BPTF: variants seen among roughly 807,000 people sequenced by gnomAD.
The protein encoded by BPTF is nucleosome-remodeling factor subunit BPTF.
Under a neutral mutation model 292.5 loss-of-function variants are expected in BPTF, and 18 were observed. That is an observed-to-expected ratio of 0.06 (90% CI 0.04 to 0.09). BPTF has a LOEUF of 0.09. Among genes scored for constraint, BPTF ranks in the 10% least tolerant of loss-of-function variants. BPTF has a pLI of 1.00. For missense variants in BPTF, 2,726 were observed against 3,498.7 expected (o/e 0.78, Z 5.57); for synonymous variants, 1,225 against 1,251.9 (o/e 0.98, Z 0.45).
In BPTF at chr17:67,924,737, C is replaced by T. The variant is rs886520127; in HGVS notation, c.5751+148C>T. ...ATTTTTTAGCCAAATTCATGCACAC[C>T]CATGCACAGTAATGATACATTCTTG... On this transcript the variant is annotated intron_variant, in intron 15 of 27. Transcript: ENST00000306378. The T allele has an allele frequency of 1.0e-5, 8 of 801,878 alleles. No homozygotes were observed. The African/African-American group carries it at 1.4e-4, about 14-fold the overall frequency. 49.7% of individuals were successfully genotyped at this position (801,878 alleles called of 1,614,324 possible).
At chr17:67,953,087 G>A (rs370251416) in intron 23 of BPTF, among the ~76,000 whole-genome samples, 15 of 151,020 alleles carry the variant, frequency 9.9e-5, no homozygotes, top group Non-Finnish European at 1.6e-4. Context: ...TCAGCTTCCC[G>A]AGTAGCTGGG....
intron 27 of BPTF, chr17:67,981,291 AATTG>A (rs1372358512): frequency 1.1e-5 from 2 of 188,760 alleles, no homozygotes; most frequent in African/African-American, 4.8e-5. Context: ...AGTTATTGAA[AATTG>A]ATTTATTTAT....
At chr17:67,869,971 GCC>G (rs2059622315) in intron 3 of BPTF, among the ~76,000 whole-genome samples, 1 of 133,424 alleles carries the variant, frequency 7.5e-6, no homozygotes, top group Admixed American at 8.8e-5. Flanking sequence ...CTGCACTCCA[GCC>G]TGGGCGACAC....
intron 13 of BPTF, among the ~76,000 whole-genome samples, chr17:67,920,735 A>G (rs1261282386): frequency 1.3e-5 from 2 of 152,214 alleles, no homozygotes; most frequent in East Asian, 3.8e-4. Flanking sequence ...AGAGAGTAAT[A>G]TTGGAAAAGA....
intron 19 of BPTF, among the ~76,000 whole-genome samples, chr17:67,942,979 C>G (rs2065502369): frequency 6.6e-6 from 1 of 152,104 alleles, no homozygotes; most frequent in Non-Finnish European, 1.5e-5. Context: ...GGCACTATTC[C>G]CATTGTATTC....
At chr17:67,892,171 TGTA>T (rs1320599508) in intron 5 of BPTF, 137 bp downstream of exon 5, 1 of 692,758 alleles carries the variant, frequency 1.4e-6, no homozygotes. Context: ...TTTCCGAAAC[TGTA>T]GTAGTTAACA....
chr17:67,827,103 A>G (rs2056143009), intron 1 of BPTF, among the ~76,000 whole-genome samples: 1 of 152,240 alleles, frequency 6.6e-6, no homozygotes, highest in Non-Finnish European at 1.5e-5. Context: ...GTACAAAACT[A>G]CAGGAACGCG....
chr17:67,918,659 T>G, intron 11 of BPTF, 55 bp from the exon 12 acceptor site: 1 of 1,508,224 alleles, frequency 6.6e-7, no homozygotes, highest in Admixed American at 1.7e-5. Context: ...TATGAATGTG[T>G]ATGTGTATGT....
chr17:67,931,036 G>T (rs1402581793), intron 17 of BPTF, among the ~76,000 whole-genome samples: 1 of 145,124 alleles, frequency 6.9e-6, no homozygotes, highest in Non-Finnish European at 1.5e-5. Context: ...GGAAGCCAAG[G>T]GGGGCGGATC....
At chr17:67,942,739 CAGTT>C (rs1267355303) in intron 19 of BPTF, among the ~76,000 whole-genome samples, 2 of 152,150 alleles carry the variant, frequency 1.3e-5, no homozygotes, top group Non-Finnish European at 2.9e-5. Context: ...CTATCAAAAT[CAGTT>C]AGCTAAGTAA....
intron 2 of BPTF, among the ~76,000 whole-genome samples, chr17:67,864,301 C>T (rs969845648): frequency 6.6e-6 from 1 of 151,710 alleles, no homozygotes; most frequent in African/African-American, 2.4e-5. Context: ...TTGAGGCGGG[C>T]GGATTGCTTG....
intron 7 of BPTF, among the ~76,000 whole-genome samples, chr17:67,895,332 C>CAAAA (rs35234780): frequency 2.5e-4 from 14 of 56,642 alleles, no homozygotes; most frequent in East Asian, 1.0e-3. Context: ...GACTTCATCT[C>CAAAA]AAAAAAAAAA....
intron 18 of BPTF, among the ~76,000 whole-genome samples, chr17:67,932,591 C>A (rs2064494823): frequency 6.6e-6 from 1 of 152,158 alleles, no homozygotes; most frequent in African/African-American, 2.4e-5. Flanking sequence ...ATCCCAGCTA[C>A]TTGGGAGGCC....
chr17:67,947,978 C>G (rs2065938042), intron 22 of BPTF, 103 bp from the exon 23 acceptor site: 1 of 1,312,524 alleles, frequency 7.6e-7, no homozygotes. Context: ...GTTTTCCAGT[C>G]ACAGAAAGTT....
At chr17:67,924,615 A>G (rs2063717357) in intron 15 of BPTF, 26 bp downstream of exon 15, 3 of 1,604,808 alleles carry the variant, frequency 1.9e-6, no homozygotes, top group Non-Finnish European at 2.5e-6. Flanking sequence ...AAGGCAGAGG[A>G]CATCAAGGCC....
chr17:67,968,454 A>G (rs1352486268), intron 26 of BPTF, among the ~76,000 whole-genome samples: 2 of 151,590 alleles, frequency 1.3e-5, no homozygotes, highest in Admixed American at 6.6e-5. Context: ...TGCTGGTAAT[A>G]GAAGTAATAA....
chr17:67,865,576 A>G (rs964469827), intron 2 of BPTF, among the ~76,000 whole-genome samples: 2 of 152,228 alleles, frequency 1.3e-5, no homozygotes, highest in African/African-American at 4.8e-5. Context: ...CCTAAAGCCC[A>G]GTTCTTTCAG....
chr17:67,853,030 G>A (rs889071888), intron 1 of BPTF, among the ~76,000 whole-genome samples: 4 of 152,204 alleles, frequency 2.6e-5, no homozygotes, highest in African/African-American at 9.6e-5. Context: ...CAGCTACTCA[G>A]GAGGCTGAGG....
At chr17:67,919,023 T>C (rs1841042662) in intron 12 of BPTF, among the ~76,000 whole-genome samples, 185 bp downstream of exon 12, 2 of 150,724 alleles carry the variant, frequency 1.3e-5, no homozygotes, top group South Asian at 4.2e-4. Context: ...ATACAAAAAA[T>C]TACCTGGGCG....
Sources: gnomAD v4.1 joint callset for allele counts (sites outside exome capture counted in the v4.1 genomes callset) on GRCh38, gnomAD v4.1.1 for gene constraint, MANE v1.5 for transcripts, NCBI Gene and HGNC (gene_info 2026-07-23, HGNC 2026-07-21) for gene names.